Variants in NBEA observed in about 807,000 individuals in gnomAD.
The protein encoded by NBEA is lysosomal-trafficking regulator 2.
Under a neutral mutation model 343.4 loss-of-function variants are expected in NBEA, and 44 were observed. The ratio of observed to expected loss-of-function variants is 0.13; its 90% confidence interval spans 0.10 to 0.16. The LOEUF (loss-of-function observed/expected upper bound fraction) is 0.16, where lower values mean the gene tolerates loss of function less well. NBEA is among the 10% of genes least tolerant of loss of function. NBEA has a pLI of 1.00. For missense variants in NBEA, 2,555 were observed against 3,631.3 expected (o/e 0.70, Z 7.62); for synonymous variants, 1,175 against 1,238.7 (o/e 0.95, Z 1.08).
chr13:35,052,178 A>G (rs1256252331), intron 6 of NBEA, among the ~76,000 whole-genome samples: 7 of 152,030 alleles, frequency 4.6e-5, no homozygotes. Context: ...ATTATTCAAA[A>G]TAAATTCATT....
In NBEA at chr13:35,182,349, A is replaced by G. The variant is rs1437733650; in HGVS notation, c.4663-11A>G. The G allele has an allele frequency of 6.3e-7, 1 of 1,587,362 alleles. No homozygotes were observed. Among genetic ancestry groups the G allele is most frequent in the African/African-American group, 1.4e-5 (1 of 73,166 alleles). On this transcript the variant is annotated splice_polypyrimidine_tract_variant and intron_variant, in intron 28 of 58. Coordinates refer to ENST00000379939, the MANE Select transcript of NBEA (RefSeq NM_001385012.1). ...GTTTGAGTGTTAAAACTGTCTTTTCATTTTTCATAGGATGATAGCAAACAA... is the reference window on the plus strand; with the variant it reads ...GTTTGAGTGTTAAAACTGTCTTTTCGTTTTTCATAGGATGATAGCAAACAA...
chr13:35,430,811 A>G (rs1381497570), intron 38 of NBEA, among the ~76,000 whole-genome samples: 1 of 152,136 alleles, frequency 6.6e-6, no homozygotes, highest in African/African-American at 2.4e-5. Flanking sequence ...TGTATTTGTA[A>G]GGACAGAAAT....
At chr13:35,657,971 A>G (rs1443215411) in intron 55 of NBEA, among the ~76,000 whole-genome samples, 5 of 152,150 alleles carry the variant, frequency 3.3e-5, no homozygotes, top group Admixed American at 3.3e-4. Context: ...ATCTATGTTC[A>G]CTACTGTGTT....
chr13:35,178,155 A>G (rs1243522038), intron 28 of NBEA, among the ~76,000 whole-genome samples: 1 of 151,710 alleles, frequency 6.6e-6, no homozygotes, highest in Non-Finnish European at 1.5e-5. Context: ...TTTTAAAATG[A>G]TAATACCTAG....
At chr13:35,662,753 A>T (rs9315362) in intron 55 of NBEA, among the ~76,000 whole-genome samples, 34,506 of 152,166 alleles carry the variant, frequency 0.23, 4,521 homozygotes, top group East Asian at 0.45. Context: ...TAACATGCAT[A>T]AGGAATATTT....
At chr13:35,304,773 T>A (rs953822451) in intron 35 of NBEA, among the ~76,000 whole-genome samples, 1 of 152,198 alleles carries the variant, frequency 6.6e-6, no homozygotes, top group Admixed American at 6.6e-5. Flanking sequence ...TTTTTATATT[T>A]ACTGTGTGTA....
rs575224593 is a variant in NBEA at position 35,551,579 on chromosome 13, A to G, written c.6806+547A>G. Among the ~76,000 whole-genome samples the G allele has an allele frequency of 2.0e-5, 3 of 152,320 alleles. No homozygotes were observed. The South Asian group carries it at 6.2e-4, about 32-fold the overall frequency. On this transcript the variant is annotated intron_variant, in intron 43 of 58. Transcript: ENST00000379939. ...ACTAATGTAAGTAGAAAACATAATCAGTAGTTACTTATATTGCTGATATCA... is the reference window on the plus strand; with the variant it reads ...ACTAATGTAAGTAGAAAACATAATCGGTAGTTACTTATATTGCTGATATCA...
intron 34 of NBEA, among the ~76,000 whole-genome samples, chr13:35,278,108 A>T (rs55816131): frequency 0.1 from 14,766 of 146,784 alleles, 755 homozygotes; most frequent in African/African-American, 0.14. Flanking sequence ...TATATATATA[A>T]AATATATATA....
intron 40 of NBEA, among the ~76,000 whole-genome samples, chr13:35,459,017 CCACA>C (rs1555270533): frequency 4.9e-4 from 37 of 74,832 alleles, no homozygotes; most frequent in African/African-American, 7.9e-4. Context: ...CCCCCCCCCC[CCACA>C]CACACACACA....
intron 2 of NBEA, among the ~76,000 whole-genome samples, chr13:35,041,831 A>G (rs1331954747): frequency 6.6e-6 from 1 of 152,010 alleles, no homozygotes; most frequent in Non-Finnish European, 1.5e-5. Flanking sequence ...GGCTAGATGC[A>G]TTTCAGAAAA....
intron 17 of NBEA, among the ~76,000 whole-genome samples, chr13:35,134,477 A>G (rs1288625540): frequency 6.6e-6 from 1 of 151,986 alleles, no homozygotes; most frequent in African/African-American, 2.4e-5. Context: ...ATAAAAAAAG[A>G]AATTATGCAA....
At chr13:35,346,901 T>C (rs967676784) in intron 36 of NBEA, among the ~76,000 whole-genome samples, 1 of 152,122 alleles carries the variant, frequency 6.6e-6, no homozygotes, top group Non-Finnish European at 1.5e-5. Flanking sequence ...GCTCAGTATT[T>C]ACATTACCAC....
chr13:35,548,505 T>G (rs1161035667), intron 41 of NBEA, among the ~76,000 whole-genome samples: 1 of 152,166 alleles, frequency 6.6e-6, no homozygotes, highest in Non-Finnish European at 1.5e-5. Context: ...CTTTCTGACA[T>G]AATGCTATGG....
chr13:35,651,765 G>T, intron 52 of NBEA, 40 bp from the exon 53 acceptor site: 1 of 1,240,232 alleles, frequency 8.1e-7, no homozygotes, highest in Non-Finnish European at 1.2e-6. Context: ...TTCTTTCTGA[G>T]AATTTTATGT....
At chr13:35,572,743 GTTGTTT>G (rs2080500630) in intron 45 of NBEA, among the ~76,000 whole-genome samples, 1 of 106,314 alleles carries the variant, frequency 9.4e-6, no homozygotes, top group Admixed American at 1.0e-4. Flanking sequence ...TGTTGTTGTT[GTTGTTT>G]TTGAGATGGA....
At chr13:35,348,736 CTGT>C (rs1386348577) in intron 36 of NBEA, among the ~76,000 whole-genome samples, 1 of 151,978 alleles carries the variant, frequency 6.6e-6, no homozygotes, top group Non-Finnish European at 1.5e-5. Flanking sequence ...AGAATCTAGT[CTGT>C]TGATTTCCTA....
At chr13:35,538,441 A>C (rs1375144492) in intron 41 of NBEA, among the ~76,000 whole-genome samples, 2 of 152,220 alleles carry the variant, frequency 1.3e-5, no homozygotes, top group African/African-American at 4.8e-5. Context: ...ACTGATAAGC[A>C]ATCATTTTCT....
intron 1 of NBEA, among the ~76,000 whole-genome samples, chr13:35,020,467 T>C (rs750159775): frequency 6.6e-6 from 1 of 152,140 alleles, no homozygotes; most frequent in African/African-American, 2.4e-5. Flanking sequence ...TGTTGGATGG[T>C]ATGTATGCCC....
At chr13:35,663,861 T>TC (rs2085221629) in intron 55 of NBEA, among the ~76,000 whole-genome samples, 1 of 152,174 alleles carries the variant, frequency 6.6e-6, no homozygotes, top group Non-Finnish European at 1.5e-5. Context: ...TGAGCTGCTG[T>TC]CCCCCTTCTC....
Sources: allele counts gnomAD v4.1 joint callset (sites outside exome capture counted in the v4.1 genomes callset), GRCh38; gene constraint gnomAD v4.1.1; transcripts MANE v1.5; gene names NCBI Gene and HGNC (gene_info 2026-07-23, HGNC 2026-07-21).